The following SAMD5 variants were observed in gnomAD, a reference collection of about 807,000 sequenced individuals.
SAMD5 encodes the protein sterile alpha motif domain containing 5.
In SAMD5, 13 loss-of-function variants were observed where a neutral mutation model predicts 11.3. The observed-to-expected ratio is 1.15, with a 90% CI of 0.75 to 1.83. The LOEUF (loss-of-function observed/expected upper bound fraction) is 1.83, where lower values mean the gene tolerates loss of function less well. Ranked by LOEUF, SAMD5 falls within the 40% of genes most tolerant of loss-of-function variation. SAMD5 has a pLI of 0.00. For synonymous variants in SAMD5, 129 were observed against 111.3 expected, an observed-to-expected ratio of 1.16 and a Z score of -1.00; for missense variants, 255 against 239.1, an observed-to-expected ratio of 1.07 and a Z score of -0.44.
chr6:147,734,418 T>TAA (rs1791760946), intron 1 of SAMD5, among the ~76,000 whole-genome samples: 1 of 152,116 alleles, frequency 6.6e-6, no homozygotes, highest in African/African-American at 2.4e-5. Context: ...CATTCACTAT[T>TAA]AAGATTTAGA....
the SAMD5 span, among the ~76,000 whole-genome samples, chr6:147,811,748 G>C: frequency 6.6e-6 from 1 of 151,610 alleles, no homozygotes; most frequent in East Asian, 1.9e-4. Context: ...TAGATACTGA[G>C]AATGAGTCAC....
intron 1 of SAMD5, among the ~76,000 whole-genome samples, chr6:147,652,421 G>A (rs576032725): frequency 6.6e-6 from 1 of 152,254 alleles, no homozygotes; most frequent in Admixed American, 6.5e-5. Context: ...TAGAGATTCT[G>A]AGCTTTTATT....
chr6:147,552,007 C>T (rs754601609), intron 1 of SAMD5, among the ~76,000 whole-genome samples: 3 of 151,928 alleles, frequency 2.0e-5, no homozygotes, highest in Non-Finnish European at 2.9e-5. Flanking sequence ...ATATCCCACC[C>T]GTTGAGCTTC....
chr6:147,944,548 G>A, the SAMD5 span, among the ~76,000 whole-genome samples: 1 of 152,158 alleles, frequency 6.6e-6, no homozygotes, highest in East Asian at 1.9e-4. Flanking sequence ...AGATTTAGGT[G>A]GGGACACAGC....
chr6:147,765,815 A>C, the SAMD5 span, among the ~76,000 whole-genome samples: 3 of 152,300 alleles, frequency 2.0e-5, no homozygotes, highest in Admixed American at 6.5e-5. Flanking sequence ...TCTCTAGAGA[A>C]ATGTAGAGAC....
intron 1 of SAMD5, among the ~76,000 whole-genome samples, chr6:147,577,447 G>A (rs531952820): frequency 6.6e-6 from 1 of 151,974 alleles, no homozygotes; most frequent in South Asian, 2.1e-4. Context: ...TCAAATTTTT[G>A]AGCCTGTCTG....
At chr6:147,729,737 A>G (rs1239531266) in intron 1 of SAMD5, 1 of 456,392 alleles carries the variant, frequency 2.2e-6, no homozygotes, top group African/African-American at 2.0e-5. Context: ...AGCTGGGAGA[A>G]CATTTTAGGC....
In SAMD5 at chr6:147,509,110, G is replaced by T; in HGVS notation, c.182G>T (p.Arg61Leu). ...HRRRILEAVR[R>L]LREQDANAAG... ...CGCCGTATCCTGGAGGCCGTGCGCC[G>T]GCTGCGGGAGCAGGACGCCAACGCC... The change falls in exon 1 of 2, where the codon CGG becomes CTG. Residue 61 changes from arginine to leucine, a missense_variant. Transcript: ENST00000367474. 6.3e-7 allele frequency: 1 copy of T among 1,584,174 alleles called. No homozygotes were observed. The highest frequency in any genetic ancestry group is 1.1e-5 in the South Asian group (1 of 87,788).
chr6:147,913,743 T>A, the SAMD5 span, among the ~76,000 whole-genome samples: 1 of 152,124 alleles, frequency 6.6e-6, no homozygotes, highest in Non-Finnish European at 1.5e-5. Context: ...TAAGAAGAAA[T>A]GTTGTGGGGG....
chr6:147,541,464 C>T (rs1454193161), intron 1 of SAMD5, among the ~76,000 whole-genome samples: 1 of 152,164 alleles, frequency 6.6e-6, no homozygotes, highest in Non-Finnish European at 1.5e-5. Context: ...CCGTTGGTCC[C>T]TGTTGTCTTT....
chr6:147,806,254 C>T, the SAMD5 span, among the ~76,000 whole-genome samples: 1 of 152,220 alleles, frequency 6.6e-6, no homozygotes, highest in African/African-American at 2.4e-5. Context: ...TATGCGGCTA[C>T]ATCAACAGCG....
At chr6:147,789,256 C>CA in the SAMD5 span, among the ~76,000 whole-genome samples, 1 of 149,858 alleles carries the variant, frequency 6.7e-6, no homozygotes, top group Non-Finnish European at 1.5e-5. Flanking sequence ...TGGACGATGG[C>CA]ATAAGACCCA....
At chr6:147,947,928 CTG>C in the SAMD5 span, among the ~76,000 whole-genome samples, 2 of 152,098 alleles carry the variant, frequency 1.3e-5, no homozygotes, top group African/African-American at 4.8e-5. Context: ...CTTACGTATA[CTG>C]TGTTACTCCA....
intron 1 of SAMD5, among the ~76,000 whole-genome samples, chr6:147,722,687 G>T (rs975028208): frequency 1.5e-4 from 23 of 152,230 alleles, no homozygotes; most frequent in African/African-American, 5.3e-4. Context: ...GAAGACAAAG[G>T]CTTGTTTAGT....
At chr6:147,674,402 A>G (rs1240979423) in intron 1 of SAMD5, among the ~76,000 whole-genome samples, 1 of 152,042 alleles carries the variant, frequency 6.6e-6, no homozygotes, top group Non-Finnish European at 1.5e-5. Flanking sequence ...ACCCAGTAAC[A>G]CCAATCTCAA....
the SAMD5 span, among the ~76,000 whole-genome samples, chr6:147,915,332 TAAAGC>T: frequency 6.6e-6 from 1 of 152,218 alleles, no homozygotes; most frequent in Admixed American, 6.5e-5. Flanking sequence ...TCTGCAATAA[TAAAGC>T]AAATGAAGTC....
intron 1 of SAMD5, among the ~76,000 whole-genome samples, chr6:147,721,582 G>T (rs1263694451): frequency 6.6e-6 from 1 of 152,108 alleles, no homozygotes; most frequent in African/African-American, 2.4e-5. Context: ...TGAGTTCATT[G>T]TAGATTCTGG....
rs1788851686 is a variant in SAMD5 at position 147,556,141 on chromosome 6, G to A, written c.460-8253G>A. Among the ~76,000 whole-genome samples, 8 of 151,230 alleles carry A rather than the reference G, an allele frequency of 5.3e-5. No individual in the cohort carries two copies. In the South Asian group the frequency reaches 1.7e-3, roughly 32 times the overall value. The stretch of plus-strand genomic sequence containing the variant: ...GGAGTCTTGCTCTGTCGCCCAGGCT[G>A]GAGTGCAGTGGTGTGATCTTGGCTC... On this transcript the variant is annotated intron_variant, in intron 1 of 1. Coordinates refer to ENST00000367474, the MANE Select transcript of SAMD5 (RefSeq NM_001030060.3).
At chr6:147,650,686 T>C (rs540097101) in intron 1 of SAMD5, among the ~76,000 whole-genome samples, 219 of 152,236 alleles carry the variant, frequency 1.4e-3, no homozygotes, top group Non-Finnish European at 2.7e-3. Flanking sequence ...GAGAGAGTTG[T>C]GGAGTCAAAT....
Sources: allele counts gnomAD v4.1 joint callset (sites outside exome capture counted in the v4.1 genomes callset), GRCh38; gene constraint gnomAD v4.1.1; transcripts MANE v1.5; gene names NCBI Gene and HGNC (gene_info 2026-07-23, HGNC 2026-07-21).